Variants in SFSWAP observed in about 807,000 individuals in gnomAD.
SFSWAP encodes the protein splicing factor, suppressor of white-apricot homolog.
In SFSWAP, 17 loss-of-function variants were observed where a neutral mutation model predicts 100.7. The observed-to-expected ratio is 0.17, with a 90% CI of 0.12 to 0.25. SFSWAP has a LOEUF of 0.25. SFSWAP is among the 10% of genes least tolerant of loss of function. The pLI, the probability that SFSWAP is intolerant of heterozygous loss-of-function variation, is 1.00. For synonymous variants in SFSWAP, 504 were observed against 510.1 expected (o/e 0.99, Z 0.16); for missense variants, 1,005 against 1,262.6 (o/e 0.80, Z 3.09).
Position 131,714,070 on chromosome 12 carries a change from G to C in SFSWAP, c.219-1G>C, listed in dbSNP as rs1292489014. ...TATTGACCAGCTTGTTCACATTACAGATATGATGGACGTGGTCACCTGCAT... is the reference window on the plus strand; with the variant it reads ...TATTGACCAGCTTGTTCACATTACACATATGATGGACGTGGTCACCTGCAT... On this transcript the variant is annotated splice_acceptor_variant, in intron 1 of 17. Coordinates refer to ENST00000261674, the MANE Select transcript of SFSWAP (RefSeq NM_004592.4). LOFTEE classifies it high-confidence loss of function. This position sits in a 1 kb window ranked among gnomAD's most constrained non-coding sequence, Gnocchi z 6.0. The C allele has an allele frequency of 1.2e-6, 2 of 1,612,708 alleles. No individual in the cohort carries two copies. Among genetic ancestry groups the C allele is most frequent in the Non-Finnish European group, 1.7e-6 (2 of 1,179,410 alleles).
chr12:131,777,813 G>A (rs1271954693), intron 13 of SFSWAP, among the ~76,000 whole-genome samples: 1 of 152,146 alleles, frequency 6.6e-6, no homozygotes, highest in Non-Finnish European at 1.5e-5. Context: ...TGTTGGCTCC[G>A]GCTGTCCACA....
chr12:131,736,907 T>G (rs1394377555), intron 7 of SFSWAP, among the ~76,000 whole-genome samples: 3 of 149,928 alleles, frequency 2.0e-5, no homozygotes, highest in East Asian at 4.0e-4. Flanking sequence ...GGGTGTAGAT[T>G]TGTGCCAGCG....
At chr12:131,755,711 G>A (rs540238769) in intron 10 of SFSWAP, among the ~76,000 whole-genome samples, 12 of 152,296 alleles carry the variant, frequency 7.9e-5, no homozygotes, top group African/African-American at 2.6e-4. Flanking sequence ...TGTCCAGCAC[G>A]TTCTAAACAA....
intron 7 of SFSWAP, among the ~76,000 whole-genome samples, chr12:131,735,540 G>A (rs915459292): frequency 2.6e-5 from 4 of 152,198 alleles, no homozygotes; most frequent in Non-Finnish European, 5.9e-5. Flanking sequence ...GCCATCGAAG[G>A]TCTCGAGCCT....
Position 131,766,175 on chromosome 12 carries a change from C to A in SFSWAP, c.2009C>A (p.Ala670Glu). Residue 670 changes from alanine (A) to glutamate (E), a missense_variant, in exon 13 of 18, where the codon GCG becomes GAG. Ala to Glu is a moderately radical substitution (Grantham distance 107, BLOSUM62 -1). This residue lies in a region of SFSWAP where 82 missense variants were observed against 131.0 expected (regional missense o/e 0.63). Coordinates refer to ENST00000261674, the MANE Select transcript of SFSWAP (RefSeq NM_004592.4). ...AAAAREKLAQ[A>E]SKESKEKQLQ... ...GCTGCCCGGGAAAAGCTGGCCCAGGCGTCTAAGGAGTCAAAAGAGAAACAG... is the reference window on the plus strand; with the variant it reads ...GCTGCCCGGGAAAAGCTGGCCCAGGAGTCTAAGGAGTCAAAAGAGAAACAG... The A allele has an allele frequency of 6.2e-7, 1 of 1,614,044 alleles. No homozygotes were observed. Among genetic ancestry groups the A allele is most frequent in the Non-Finnish European group, 8.5e-7 (1 of 1,180,006 alleles).
rs768091766 is a variant in SFSWAP at position 131,711,249 on chromosome 12, G to T, written c.20G>T (p.Gly7Val). The stretch of plus-strand genomic sequence containing the variant: ...GCTGTCATGTACGGCGCGAGCGGGG[G>T]CCGCGCCAAACCCGAGAGGAAAAGC... MYGASG[G>V]RAKPERKSGA... The change falls in exon 1 of 18, where the codon GGC becomes GTC. Residue 7 changes from glycine (G) to valine (V), a missense_variant. By Grantham distance (109) the Gly-to-Val change is moderately radical. Coordinates refer to ENST00000261674, the MANE Select transcript of SFSWAP (RefSeq NM_004592.4). The surrounding 1 kb of genome is among the most constrained non-coding windows in gnomAD (Gnocchi z 4.9). 3 of 1,606,800 alleles carry T rather than the reference G, an allele frequency of 1.9e-6. No homozygotes were observed. The East Asian group carries it at 6.7e-5, about 36-fold the overall frequency.
At chr12:131,785,009 T>C in intron 14 of SFSWAP, 2 of 1,352,880 alleles carry the variant, frequency 1.5e-6, no homozygotes, top group Non-Finnish European at 9.8e-7. Context: ...TTTTTCAGAG[T>C]TCTGGTAGCG....
At chr12:131,756,733 A>T (rs902348219) in intron 11 of SFSWAP, 89 bp downstream of exon 11, 2 of 1,218,792 alleles carry the variant, frequency 1.6e-6, no homozygotes, top group Non-Finnish European at 2.2e-6. Context: ...CAGCGCCCTC[A>T]CCTGCAGGCT....
chr12:131,734,907 G>C lies in SFSWAP; in HGVS notation c.1081+6479G>C, dbSNP rs1247856876. Among the ~76,000 whole-genome samples the C allele has an allele frequency of 1.3e-5, 2 of 151,832 alleles. No individual in the cohort carries two copies. Among genetic ancestry groups the C allele is most frequent in the Non-Finnish European group, 2.9e-5 (2 of 67,990 alleles). On this transcript the variant is annotated intron_variant, in intron 7 of 17. Transcript: ENST00000261674. The surrounding 1 kb of genome is among the most constrained non-coding windows in gnomAD (Gnocchi z 4.9). Reference sequence around the variant, plus strand: ...ATCTCAGCCGGCATGGCGCATGGGGGTGGGGTGGGGCAGTGAGGGGGGGCC... The same window carrying C: ...ATCTCAGCCGGCATGGCGCATGGGGCTGGGGTGGGGCAGTGAGGGGGGGCC...
In SFSWAP at chr12:131,728,310, C is replaced by T; in HGVS notation, c.963C>T (p.Asp321=). The change falls in exon 7 of 18, where the codon GAC becomes GAT. Residue 321 remains aspartate, a synonymous_variant. Transcript: ENST00000261674. ...EELMKPLKVV[D]PDHPLAALVR... ...GTTTCCAGCCCTTGAAGGTAGTGGA[C>T]CCAGATCATCCCCTCGCAGCACTTG... 6.2e-7 allele frequency: 1 copy of T among 1,614,216 alleles called. No homozygotes were observed. The highest frequency in any genetic ancestry group is 8.5e-7 in the Non-Finnish European group (1 of 1,180,026).
intron 13 of SFSWAP, among the ~76,000 whole-genome samples, chr12:131,771,984 T>G (rs1317426727): frequency 1.3e-5 from 2 of 152,194 alleles, no homozygotes; most frequent in African/African-American, 4.8e-5. Context: ...TTCTTGGCAT[T>G]GTCTGCTGCC....
chr12:131,797,279 C>T lies in SFSWAP; in HGVS notation c.2636C>T (p.Pro879Leu). 1 of 1,611,296 alleles carries T rather than the reference C, an allele frequency of 6.2e-7. No homozygotes were observed. Among genetic ancestry groups the T allele is most frequent in the Non-Finnish European group, 8.5e-7 (1 of 1,178,968 alleles). Residue 879 changes from proline to leucine, a missense_variant, in exon 16 of 18, where the codon CCC (proline) becomes CTC (leucine). Physicochemically the swap from Pro to Leu is moderately conservative, Grantham distance 98 (BLOSUM62 -3). Coordinates refer to ENST00000261674, the MANE Select transcript of SFSWAP (RefSeq NM_004592.4). ...CCCAGCAAGCAGGCAGCGCCCCGGC[C>T]CGCGGCCCCCGCGGCCCACTCGGCG... ...VSPSKQAAPR[P>L]AAPAAHSAHS...
chr12:131,746,310 A>G (rs939595616), intron 7 of SFSWAP, among the ~76,000 whole-genome samples: 1 of 152,202 alleles, frequency 6.6e-6, no homozygotes, highest in African/African-American at 2.4e-5. Context: ...CTAGCTGAGG[A>G]CCTACAGCGT....
rs1555243205 is a variant in SFSWAP at position 131,738,882 on chromosome 12, A to ATTTTTTTTTTTTTTTTTTT, written c.1081+10456_1081+10457insTTTTTTTTTTTTTTTTTTT. Among the ~76,000 whole-genome samples, 7 of 40,210 alleles carry ATTTTTTTTTTTTTTTTTTT rather than the reference A, an allele frequency of 1.7e-4. No individual in the cohort carries two copies. In the South Asian group the frequency reaches 2.3e-3, roughly 13 times the overall value. The allele number at this position is 40,210 out of a possible 152,430, so 26.4% of individuals were successfully genotyped here. A position where few individuals can be genotyped will look rare whatever the true frequency, so the allele number is the denominator to read the frequency against. On this transcript the variant is annotated intron_variant, in intron 7 of 17. Coordinates refer to ENST00000261674, the MANE Select transcript of SFSWAP (RefSeq NM_004592.4). ...CTTTTCCAGTGCTGTAATGAACATT[A>ATTTTTTTTTTTTTTTTTTT]TTCTTTTTTTTTTTTTTTTTTTTTT...
At chr12:131,797,776 C>T (rs1174017681) in intron 16 of SFSWAP, among the ~76,000 whole-genome samples, 1 of 152,242 alleles carries the variant, frequency 6.6e-6, no homozygotes, top group South Asian at 2.1e-4. Flanking sequence ...AACCTGTCAC[C>T]GGGCATCACA....
intron 7 of SFSWAP, among the ~76,000 whole-genome samples, chr12:131,749,331 C>T (rs1881413597): frequency 6.6e-6 from 1 of 152,230 alleles, no homozygotes; most frequent in Non-Finnish European, 1.5e-5. Flanking sequence ...CCTTGGCACA[C>T]TGTGCCCTCC....
chr12:131,771,496 C>T (rs914499498), intron 13 of SFSWAP, among the ~76,000 whole-genome samples: 1 of 152,120 alleles, frequency 6.6e-6, no homozygotes, highest in Non-Finnish European at 1.5e-5. Context: ...TCTGAAGGGA[C>T]CGTAGCAGTT....
In SFSWAP at chr12:131,794,174, A is replaced by G. The variant is rs1378681315; in HGVS notation, c.2535-3004A>G. Among the ~76,000 whole-genome samples, 1 of 152,210 alleles carries G rather than the reference A, an allele frequency of 6.6e-6. No individual in the cohort carries two copies. Among genetic ancestry groups the G allele is most frequent in the Admixed American group, 6.5e-5 (1 of 15,268 alleles). On this transcript the variant is annotated intron_variant, in intron 15 of 17. Coordinates refer to ENST00000261674, the MANE Select transcript of SFSWAP (RefSeq NM_004592.4). This position sits in a 1 kb window ranked among gnomAD's most constrained non-coding sequence, Gnocchi z 4.8. The stretch of plus-strand genomic sequence containing the variant: ...CTGTCCTGTAATACTATTCATCGGT[A>G]AAAGGAACAAATTGAGGATCACCCT...
At chr12:131,769,133 A>AT (rs1452679609) in intron 13 of SFSWAP, among the ~76,000 whole-genome samples, 1 of 151,684 alleles carries the variant, frequency 6.6e-6, no homozygotes, top group Non-Finnish European at 1.5e-5. Flanking sequence ...TCTCAAAAAA[A>AT]AAAAGGATGT....
Sources: allele counts gnomAD v4.1 joint callset (sites outside exome capture counted in the v4.1 genomes callset), GRCh38; gene constraint gnomAD v4.1.1; regional missense constraint gnomAD v4.1.1; non-coding constraint Gnocchi (gnomAD v3.1); transcripts MANE v1.5; gene names NCBI Gene and HGNC (gene_info 2026-07-23, HGNC 2026-07-21).